Variants in SKAP1 observed in about 807,000 individuals in gnomAD.
The protein encoded by SKAP1 is src kinase-associated phosphoprotein 1.
A neutral mutation model predicts 58.5 loss-of-function variants in SKAP1; 44 were observed. The ratio of observed to expected loss-of-function variants is 0.75; its 90% CI spans 0.59 to 0.97. The LOEUF is 0.97. Ranked by LOEUF, SKAP1 falls within the 50% of genes least tolerant of loss-of-function variation. SKAP1 has a pLI of 0.00. For synonymous variants in SKAP1, 127 were observed against 149.7 expected (o/e 0.85, Z 1.11); for missense variants, 390 against 435.2 (o/e 0.90, Z 0.92).
intron 4 of SKAP1, among the ~76,000 whole-genome samples, chr17:48,248,580 G>GAAAC (rs1357490498): frequency 3.3e-5 from 5 of 151,998 alleles, no homozygotes; most frequent in Admixed American, 2.0e-4. Flanking sequence ...AAAGAAAACA[G>GAAAC]AAACAAACAA....
At chr17:48,335,158 A>G (rs1245158335) in intron 4 of SKAP1, among the ~76,000 whole-genome samples, 2 of 151,900 alleles carry the variant, frequency 1.3e-5, no homozygotes, top group Non-Finnish European at 3.0e-5. Flanking sequence ...AATATTAAAA[A>G]TCATGGTCTC....
At chr17:48,171,182 A>G (rs958686481) in intron 9 of SKAP1, among the ~76,000 whole-genome samples, 16 of 136,964 alleles carry the variant, frequency 1.2e-4, no homozygotes, top group African/African-American at 3.8e-4. Flanking sequence ...ACTCACTGCA[A>G]CCTCCACCTT....
At chr17:48,174,425 A>G (rs1010782883) in intron 9 of SKAP1, among the ~76,000 whole-genome samples, 1 of 152,124 alleles carries the variant, frequency 6.6e-6, no homozygotes, top group Admixed American at 6.6e-5. Flanking sequence ...ACACCCCTAG[A>G]CACCTCCCTA....
At position 48,209,095 on chromosome 17, in the gene SKAP1, T is replaced by C. The variant is rs142753153; in HGVS notation, c.281-19595A>G. 1.1e-3 allele frequency among the ~76,000 whole-genome samples: 171 copies of C among 152,304 alleles called. 1 individual carries two copies. The highest frequency in any genetic ancestry group is 6.8e-3 in the Middle Eastern group (2 of 294). ...TCTTGATGGAGAAATTAAAGTGACT[T>C]GCTCAAGCCTCCTAGTTAGTAAGTG... is the stretch of plus-strand genomic sequence containing the variant. On this transcript the variant is annotated intron_variant, in intron 4 of 12. Coordinates refer to ENST00000336915, the MANE Select transcript of SKAP1 (RefSeq NM_003726.4).
intron 4 of SKAP1, among the ~76,000 whole-genome samples, chr17:48,253,026 T>C (rs1326900031): frequency 6.6e-6 from 1 of 152,162 alleles, no homozygotes; most frequent in Admixed American, 6.5e-5. Flanking sequence ...ATCATTCTGG[T>C]CCCCAGTGGG....
chr17:48,258,737 C>A (rs750283661), intron 4 of SKAP1, among the ~76,000 whole-genome samples: 1 of 152,094 alleles, frequency 6.6e-6, no homozygotes, highest in Non-Finnish European at 1.5e-5. Flanking sequence ...ATTCTACAGT[C>A]ACTGAACATA....
intron 10 of SKAP1, among the ~76,000 whole-genome samples, chr17:48,162,991 C>T (rs982470710): frequency 1.6e-4 from 24 of 152,182 alleles, no homozygotes; most frequent in African/African-American, 5.8e-4. Flanking sequence ...TGCCTATTTA[C>T]AAGAAAGGCT....
intron 4 of SKAP1, among the ~76,000 whole-genome samples, chr17:48,246,651 T>C (rs1313548679): frequency 5.9e-5 from 9 of 152,230 alleles, no homozygotes; most frequent in South Asian, 2.1e-4. Flanking sequence ...CCCAAAGACA[T>C]CAAGCTACAG....
chr17:48,341,240 T>C (rs950116469), intron 4 of SKAP1, among the ~76,000 whole-genome samples: 18 of 152,230 alleles, frequency 1.2e-4, no homozygotes, highest in Non-Finnish European at 2.4e-4. Flanking sequence ...ATACTAACTT[T>C]GGCACCATGA....
intron 3 of SKAP1, among the ~76,000 whole-genome samples, chr17:48,358,354 CCT>C (rs910448670): frequency 6.6e-6 from 1 of 152,102 alleles, no homozygotes; most frequent in Non-Finnish European, 1.5e-5. Flanking sequence ...AAATTTCCTT[CCT>C]CTTTTTTTTA....
chr17:48,173,909 T>C (rs936490258), intron 9 of SKAP1, among the ~76,000 whole-genome samples: 15 of 152,234 alleles, frequency 9.9e-5, no homozygotes, highest in Non-Finnish European at 1.9e-4. Flanking sequence ...CTCATTAGCA[T>C]TGATTTTAAA....
chr17:48,384,702 G>A (rs1380104364), intron 2 of SKAP1, among the ~76,000 whole-genome samples: 1 of 152,194 alleles, frequency 6.6e-6, no homozygotes, highest in African/African-American at 2.4e-5. Context: ...AAAGCAGAAT[G>A]GCTTATAGAT....
chr17:48,372,708 A>G (rs2067102340), intron 2 of SKAP1, among the ~76,000 whole-genome samples: 1 of 152,096 alleles, frequency 6.6e-6, no homozygotes, highest in Admixed American at 6.5e-5. Flanking sequence ...TGGTGCAATC[A>G]TAGCTTATTG....
chr17:48,282,087 T>C (rs973763475), intron 4 of SKAP1, among the ~76,000 whole-genome samples: 1 of 152,236 alleles, frequency 6.6e-6, no homozygotes, highest in African/African-American at 2.4e-5. Context: ...TTGTCTCAGC[T>C]AACAATATCA....
At chr17:48,294,265 C>A (rs960733016) in intron 4 of SKAP1, 39 of 152,204 alleles carry the variant, frequency 2.6e-4, no homozygotes, top group African/African-American at 9.2e-4. Context: ...AGACTCGGAT[C>A]TCTCTGCTAT....
At chr17:48,394,498 C>T (rs772294300) in intron 2 of SKAP1, among the ~76,000 whole-genome samples, 12 of 151,970 alleles carry the variant, frequency 7.9e-5, no homozygotes, top group African/African-American at 2.7e-4. Flanking sequence ...TATACCACCA[C>T]ACCTGGCTAA....
At chr17:48,153,252 T>C (rs970268190) in intron 11 of SKAP1, among the ~76,000 whole-genome samples, 3 of 152,350 alleles carry the variant, frequency 2.0e-5, no homozygotes, top group Middle Eastern at 3.4e-3. Flanking sequence ...CAGGTTTACA[T>C]GCATGCATAT....
chr17:48,339,455 A>C (rs962542853), intron 4 of SKAP1, among the ~76,000 whole-genome samples: 5 of 152,232 alleles, frequency 3.3e-5, no homozygotes, highest in African/African-American at 9.6e-5. Flanking sequence ...AAAAAAATAC[A>C]CACGAAGAAA....
At chr17:48,276,009 G>A (rs1303294166) in intron 4 of SKAP1, among the ~76,000 whole-genome samples, 3 of 152,106 alleles carry the variant, frequency 2.0e-5, no homozygotes, top group Non-Finnish European at 4.4e-5. Flanking sequence ...GGGTCTGACT[G>A]CAATGGCAAG....
Sources: allele counts gnomAD v4.1 joint callset (sites outside exome capture counted in the v4.1 genomes callset), GRCh38; gene constraint gnomAD v4.1.1; transcripts MANE v1.5; gene names NCBI Gene and HGNC (gene_info 2026-07-23, HGNC 2026-07-21).